Variants in NFRKB observed in about 807,000 individuals in gnomAD.
NFRKB encodes the protein nuclear factor related to kappa-B-binding protein.
A neutral mutation model predicts 135.7 loss-of-function variants in NFRKB; 62 were observed. That is an observed-to-expected ratio of 0.46 (90% CI 0.37 to 0.56). The LOEUF (loss-of-function observed/expected upper bound fraction) is 0.56. Among genes scored for constraint, NFRKB ranks in the 20% least tolerant of loss-of-function variants. The pLI is 0.00. For synonymous variants in NFRKB, 678 were observed against 635.6 expected (o/e 1.07, Z -1.00); for missense variants, 1,545 against 1,662.0 (o/e 0.93, Z 1.22).
At chr11:129,864,878 A>G (rs767540984) in intron 26 of NFRKB, 28 bp from the exon 27 acceptor site, 1 of 1,614,126 alleles carries the variant, frequency 6.2e-7, no homozygotes, top group Admixed American at 1.7e-5. Context: ...AGGTCAGGTC[A>G]ATGGATTGCA....
At chr11:129,871,983 T>C (rs1948531502) in intron 23 of NFRKB, among the ~76,000 whole-genome samples, 1 of 152,230 alleles carries the variant, frequency 6.6e-6, no homozygotes. Context: ...TCCTCAATCA[T>C]ATTCCTGACA....
At chr11:129,883,322 A>G in intron 8 of NFRKB, 116 bp from the exon 9 acceptor site, 1 of 726,544 alleles carries the variant, frequency 1.4e-6, no homozygotes. Context: ...AATCACATTG[A>G]GTCAAAAATA....
At chr11:129,889,097 G>A (rs1478548688) in intron 3 of NFRKB, among the ~76,000 whole-genome samples, 1 of 151,988 alleles carries the variant, frequency 6.6e-6, no homozygotes, top group South Asian at 2.1e-4. Flanking sequence ...GAGTAGCTGG[G>A]ATTACAGGTG....
chr11:129,872,124 A>C (rs1227905956), intron 23 of NFRKB, among the ~76,000 whole-genome samples: 2 of 152,168 alleles, frequency 1.3e-5, no homozygotes, highest in Non-Finnish European at 2.9e-5. Flanking sequence ...ACTGCAGCTA[A>C]AATAACACAC....
At chr11:129,895,118 C>A (rs1478993513) in intron 1 of NFRKB, among the ~76,000 whole-genome samples, 1 of 152,228 alleles carries the variant, frequency 6.6e-6, no homozygotes, top group Non-Finnish European at 1.5e-5. Flanking sequence ...GCCTCTCGGC[C>A]TCTCATCACT....
intron 17 of NFRKB, among the ~76,000 whole-genome samples, chr11:129,875,916 CA>C (rs1255451844): frequency 1.3e-5 from 2 of 152,104 alleles, no homozygotes; most frequent in African/African-American, 4.8e-5. Flanking sequence ...CTTGGCCTCC[CA>C]AAGTGCTGGG....
rs546597468 is a variant in NFRKB, at chr11:129,869,685, C to G, written c.3340G>C (p.Gly1114Arg). ...TITVATHAKQ[G>R]ASVASGSGTV... is the part of the protein sequence containing the mutation. ...CCAGACCCACTGGCCACCGAGGCCC[C>G]TTGCTTGGCGTGGGTTGCAACGGTG... The change falls in exon 24 of 27, where the codon GGG becomes CGG. Residue 1114 changes from glycine (G) to arginine (R), a missense_variant. Transcript: ENST00000682444. 3.7e-6 allele frequency: 6 copies of G among 1,614,234 alleles called. No individual in the cohort carries two copies. In the South Asian group the frequency reaches 4.4e-5, roughly 12 times the overall value.
chr11:129,892,606 G>T, intron 3 of NFRKB, 109 bp downstream of exon 3: 1 of 1,186,836 alleles, frequency 8.4e-7, no homozygotes, highest in Non-Finnish European at 1.2e-6. Context: ...TGTAGAAAAT[G>T]AACAAAAGGG....
chr11:129,882,286 G>C lies in NFRKB; in HGVS notation c.1083-92C>G, dbSNP rs1319295791. ...CCCAAGCCTCCTAGCAGTCATAAAA[G>C]AGTTCAAGAAAGGAGCAAACAATAT... On this transcript the variant is annotated intron_variant, in intron 10 of 26. Coordinates refer to ENST00000682444, the MANE Select transcript of NFRKB (RefSeq NM_001143835.2). The C allele has an allele frequency of 5.9e-6, 8 of 1,353,368 alleles. No individual in the cohort carries two copies. In the Admixed American group the frequency reaches 1.8e-4, roughly 31 times the overall value. 83.8% of individuals were successfully genotyped at this position (1,353,368 alleles called of 1,614,324 possible). A position where few individuals can be genotyped will look rare whatever the true frequency, so the allele number is the denominator to read the frequency against.
chr11:129,867,194 TAAC>T (rs1948235642), intron 24 of NFRKB, among the ~76,000 whole-genome samples: 1 of 152,100 alleles, frequency 6.6e-6, no homozygotes, highest in African/African-American at 2.4e-5. Flanking sequence ...AGGTTGATTA[TAAC>T]AGGACAGATG....
intron 13 of NFRKB, among the ~76,000 whole-genome samples, chr11:129,879,727 C>T (rs888352204): frequency 6.6e-6 from 1 of 152,162 alleles, no homozygotes; most frequent in Non-Finnish European, 1.5e-5. Flanking sequence ...CCCTCCTCGG[C>T]CCTCTCTCCT....
rs762658181 is a variant in NFRKB, at chr11:129,869,598, C to T, written c.3427G>A (p.Ala1143Thr). 1 of 1,614,194 alleles carries T rather than the reference C, an allele frequency of 6.2e-7. No individual in the cohort carries two copies. Among genetic ancestry groups the T allele is most frequent in the Non-Finnish European group, 8.5e-7 (1 of 1,180,040 alleles). ...SMNAAVSKTV[A>T]VASGAASTPI... is the part of the protein sequence containing the mutation. ...GTGCTTGCAGCCCCAGAAGCCACAG[C>T]TACAGTCTTGGACACAGCAGCATTC... Residue 1143 changes from alanine to threonine, a missense_variant, in exon 24 of 27, where the codon GCT becomes ACT. Coordinates refer to ENST00000682444, the MANE Select transcript of NFRKB (RefSeq NM_001143835.2).
rs776674865 is a variant in NFRKB, at chr11:129,865,104, G to A, written c.3639-3C>T. 30 of 1,606,920 alleles carry A rather than the reference G, an allele frequency of 1.9e-5. No individual in the cohort carries two copies. Among genetic ancestry groups the A allele is most frequent in the Non-Finnish European group, 2.3e-5 (27 of 1,175,564 alleles). ...TGTTGCGGCCCAACCCACTGAGGCT[G>A]TGGAGGGAAAGCAGGGGTGAGATAT... On this transcript the variant is annotated splice_polypyrimidine_tract_variant and splice_region_variant and intron_variant, in intron 25 of 26. Transcript: ENST00000682444.
Position 129,893,423 on chromosome 11 carries a change from G to T in NFRKB, c.-21-553C>A, listed in dbSNP as rs530925760. ...AAAAAAAAAAAAATCAGCCAGGCGT[G>T]GTGGCGCACGCCTGTAGTCCCAGCT... On this transcript the variant is annotated intron_variant, in intron 2 of 26. Coordinates refer to ENST00000682444, the MANE Select transcript of NFRKB (RefSeq NM_001143835.2). 2.9e-3 allele frequency: 1,011 copies of T among 351,852 alleles called. 10 individuals are homozygous for T. The highest frequency in any genetic ancestry group is 0.021 in the African/African-American group (941 of 45,050). The allele number at this position is 351,852 out of a possible 1,614,324, so 21.8% of individuals were successfully genotyped here.
chr11:129,877,234 G>T, intron 16 of NFRKB, 91 bp downstream of exon 16: 1 of 1,303,206 alleles, frequency 7.7e-7, no homozygotes, highest in African/African-American at 1.5e-5. Flanking sequence ...TGAGTTTCTT[G>T]CAAGAAGGTA....
rs200702843 is a variant in NFRKB, at chr11:129,883,921, A to AT, written c.816+148dup. 535 of 830,000 alleles carry AT rather than the reference A, an allele frequency of 6.4e-4. 1 individual carries two copies. In the African/African-American group the frequency reaches 7.8e-3, roughly 12 times the overall value. The allele number at this position is 830,000 out of a possible 1,614,324, so 51.4% of individuals were successfully genotyped here. ...AAAGCCACCGTGCCTCACATCGTTG[A>AT]TGCTAGCTAGCCTCGCCAGCTGCTC... On this transcript the variant is annotated intron_variant, in intron 8 of 26. Coordinates refer to ENST00000682444, the MANE Select transcript of NFRKB (RefSeq NM_001143835.2).
intron 3 of NFRKB, among the ~76,000 whole-genome samples, chr11:129,892,264 C>T (rs951018065): frequency 1.3e-5 from 2 of 152,128 alleles, no homozygotes; most frequent in Admixed American, 1.3e-4. Context: ...CCTTTGTGTC[C>T]TCAAAGCTTG....
intron 3 of NFRKB, among the ~76,000 whole-genome samples, chr11:129,891,430 C>T (rs1949554529): frequency 6.6e-6 from 1 of 152,208 alleles, no homozygotes; most frequent in Non-Finnish European, 1.5e-5. Context: ...CTCATCTGAA[C>T]ATAAATAATG....
intron 8 of NFRKB, among the ~76,000 whole-genome samples, 165 bp from the exon 9 acceptor site, chr11:129,883,371 C>T (rs1949121104): frequency 6.6e-6 from 1 of 152,092 alleles, no homozygotes; most frequent in African/African-American, 2.4e-5. Context: ...CTATCATATC[C>T]CCATTTAATT....
Sources: allele counts gnomAD v4.1 joint callset (sites outside exome capture counted in the v4.1 genomes callset), GRCh38; gene constraint gnomAD v4.1.1; transcripts MANE v1.5; gene names NCBI Gene and HGNC (gene_info 2026-07-23, HGNC 2026-07-21).